Variants in SLC25A21 observed in about 807,000 individuals in gnomAD.
The protein encoded by SLC25A21 is mitochondrial 2-oxodicarboxylate carrier.
SLC25A21 carries 47 observed loss-of-function variants against 43.8 expected under a neutral mutation model. The observed-to-expected ratio is 1.07, with a 90% confidence interval of 0.85 to 1.37. SLC25A21 has a LOEUF of 1.37. Ranked by LOEUF, SLC25A21 falls within the 40% of genes most tolerant of loss-of-function variation. SLC25A21 has a pLI of 0.00. For missense variants in SLC25A21, 352 were observed against 350.2 expected, an observed-to-expected ratio of 1.00 and a Z score of -0.04; for synonymous variants, 131 against 121.3, an observed-to-expected ratio of 1.08 and a Z score of -0.52.
intron 1 of SLC25A21, among the ~76,000 whole-genome samples, chr14:37,165,292 G>A (rs969452784): frequency 6.6e-6 from 1 of 151,994 alleles, no homozygotes; most frequent in East Asian, 1.9e-4. Flanking sequence ...CAAAAGAATC[G>A]CTTGAACCTA....
intron 1 of SLC25A21, among the ~76,000 whole-genome samples, chr14:37,160,369 G>A (rs1293458288): frequency 6.6e-6 from 1 of 152,130 alleles, no homozygotes; most frequent in African/African-American, 2.4e-5. Flanking sequence ...TATAGACAAT[G>A]AAATACTATT....
chr14:36,942,924 AT>A (rs1260812584), intron 1 of SLC25A21, among the ~76,000 whole-genome samples: 1 of 152,130 alleles, frequency 6.6e-6, no homozygotes, highest in Non-Finnish European at 1.5e-5. Flanking sequence ...AGGAGGGTAA[AT>A]TTAGATTTGA....
intron 9 of SLC25A21, among the ~76,000 whole-genome samples, 191 bp from the exon 10 acceptor site, chr14:36,680,910 T>G (rs1269301311): frequency 6.6e-6 from 1 of 152,212 alleles, no homozygotes; most frequent in Non-Finnish European, 1.5e-5. Flanking sequence ...CAAGACCATC[T>G]TGAGTCTCCA....
chr14:36,752,302 T>C (rs1179417037), intron 3 of SLC25A21, among the ~76,000 whole-genome samples: 5 of 152,304 alleles, frequency 3.3e-5, no homozygotes, highest in East Asian at 1.9e-4. Flanking sequence ...CTTTTGGGAA[T>C]GTAAAGTGGT....
intron 1 of SLC25A21, among the ~76,000 whole-genome samples, chr14:37,084,329 C>A (rs1365119468): frequency 6.6e-6 from 1 of 152,176 alleles, no homozygotes; most frequent in East Asian, 1.9e-4. Context: ...AGATGATATA[C>A]TCCTCCTTAA....
At chr14:36,740,547 A>G (rs895918961) in intron 3 of SLC25A21, among the ~76,000 whole-genome samples, 1 of 152,204 alleles carries the variant, frequency 6.6e-6, no homozygotes, top group Non-Finnish European at 1.5e-5. Context: ...GTTCTTCTCA[A>G]AGACAGCTCA....
intron 1 of SLC25A21, among the ~76,000 whole-genome samples, chr14:37,171,137 AG>A (rs1964120971): frequency 4.0e-4 from 1 of 2,516 alleles, no homozygotes; most frequent in South Asian, 0.016. Context: ...AGGGGAGGGG[AG>A]GGGTGGGGAG....
At chr14:37,078,051 C>G (rs533742901) in intron 1 of SLC25A21, among the ~76,000 whole-genome samples, 1 of 152,132 alleles carries the variant, frequency 6.6e-6, no homozygotes, top group Non-Finnish European at 1.5e-5. Context: ...AAACTAGAGA[C>G]AGTGGATTTA....
At chr14:37,048,586 T>C (rs796709340) in intron 1 of SLC25A21, among the ~76,000 whole-genome samples, 3 of 152,226 alleles carry the variant, frequency 2.0e-5, no homozygotes, top group African/African-American at 7.2e-5. Flanking sequence ...ACCTTAGAGA[T>C]GTCATAAGCC....
At chr14:37,018,311 T>C (rs1216062668) in intron 1 of SLC25A21, among the ~76,000 whole-genome samples, 1 of 152,016 alleles carries the variant, frequency 6.6e-6, no homozygotes, top group Non-Finnish European at 1.5e-5. Flanking sequence ...CTGTTACCTA[T>C]CTTACAAATT....
At chr14:36,821,477 A>G (rs537370181) in intron 2 of SLC25A21, among the ~76,000 whole-genome samples, 1 of 152,124 alleles carries the variant, frequency 6.6e-6, no homozygotes, top group Admixed American at 6.5e-5. Flanking sequence ...TTTTTAAAAA[A>G]ATTTAGCTGT....
intron 6 of SLC25A21, among the ~76,000 whole-genome samples, chr14:36,718,493 C>G (rs1884239738): frequency 6.7e-6 from 1 of 148,720 alleles, no homozygotes; most frequent in Admixed American, 6.7e-5. Context: ...CACGCTCACT[C>G]TCTGTATAAC....
chr14:36,872,873 C>CA (rs1288668420), intron 2 of SLC25A21, among the ~76,000 whole-genome samples: 3 of 152,146 alleles, frequency 2.0e-5, no homozygotes, highest in African/African-American at 7.2e-5. Flanking sequence ...TTTTGAAGTT[C>CA]ATTGTGATGA....
chr14:36,981,375 A>T (rs897836848), intron 1 of SLC25A21, among the ~76,000 whole-genome samples: 1 of 152,246 alleles, frequency 6.6e-6, no homozygotes, highest in African/African-American at 2.4e-5. Flanking sequence ...GCTACTATAA[A>T]GACACATGCA....
chr14:36,926,651 C>G (rs1420881621), intron 1 of SLC25A21, among the ~76,000 whole-genome samples: 2 of 152,010 alleles, frequency 1.3e-5, no homozygotes, highest in Admixed American at 6.6e-5. Flanking sequence ...CGAGGACACT[C>G]AGTACATTTG....
intron 1 of SLC25A21, among the ~76,000 whole-genome samples, chr14:37,011,745 C>T (rs1960737891): frequency 6.6e-6 from 1 of 152,174 alleles, no homozygotes; most frequent in South Asian, 2.1e-4. Context: ...ATGATAAACA[C>T]ATCCTCATAC....
At chr14:36,850,835 C>T (rs1481983893) in intron 2 of SLC25A21, among the ~76,000 whole-genome samples, 1 of 152,140 alleles carries the variant, frequency 6.6e-6, no homozygotes, top group East Asian at 1.9e-4. Context: ...TGATTATGCT[C>T]CGTCCAACCC....
chr14:37,040,500 C>T (rs184540871), intron 1 of SLC25A21, among the ~76,000 whole-genome samples: 1 of 151,684 alleles, frequency 6.6e-6, no homozygotes, highest in South Asian at 2.1e-4. Context: ...TGTTGACTGG[C>T]ATGGGTAGAG....
At chr14:36,984,061 AAAAGCCCAAAGCTCACC>A (rs1227005423) in intron 1 of SLC25A21, among the ~76,000 whole-genome samples, 2 of 152,152 alleles carry the variant, frequency 1.3e-5, no homozygotes, top group Non-Finnish European at 2.9e-5. Context: ...TAGGTTCACT[AAAAGCCCAAAGCTCACC>A]ATTATGCAAT....
Sources: gnomAD v4.1 joint callset for allele counts (sites outside exome capture counted in the v4.1 genomes callset) on GRCh38, gnomAD v4.1.1 for gene constraint, MANE v1.5 for transcripts, NCBI Gene and HGNC (gene_info 2026-07-23, HGNC 2026-07-21) for gene names.